Variants in MMP16 observed in about 807,000 individuals in gnomAD.
The protein encoded by MMP16 is matrix metallopeptidase 16.
A neutral mutation model predicts 67.8 loss-of-function variants in MMP16; 12 were observed. The ratio of observed to expected loss-of-function variants is 0.18; its 90% CI spans 0.11 to 0.29. The LOEUF is 0.29. Ranked by LOEUF, MMP16 falls within the 10% of genes least tolerant of loss-of-function variation. The probability of loss-of-function intolerance (pLI) is 1.00; values close to 1 mark genes in which losing one functional copy is unlikely to be tolerated. For synonymous variants in MMP16, 249 were observed against 255.9 expected (o/e 0.97, Z 0.26); for missense variants, 475 against 765.7 (o/e 0.62, Z 4.48).
intron 4 of MMP16, among the ~76,000 whole-genome samples, chr8:88,133,015 C>A (rs1340981134): frequency 2.6e-5 from 4 of 151,804 alleles, no homozygotes; most frequent in Non-Finnish European, 5.9e-5. Flanking sequence ...ACTGGTAAAG[C>A]CAGGATTCAA....
At chr8:88,224,902 A>AT (rs1223517142) in intron 1 of MMP16, among the ~76,000 whole-genome samples, 4 of 151,868 alleles carry the variant, frequency 2.6e-5, no homozygotes, top group African/African-American at 9.7e-5. Flanking sequence ...TAAATTATGT[A>AT]TTTTTTCCGG....
At chr8:88,139,983 TAAC>T (rs1808184950) in intron 4 of MMP16, among the ~76,000 whole-genome samples, 1 of 152,232 alleles carries the variant, frequency 6.6e-6, no homozygotes, top group South Asian at 2.1e-4. Flanking sequence ...TACTGCATTT[TAAC>T]AACAATAATC....
chr8:88,208,124 A>G (rs1460004156), intron 1 of MMP16, among the ~76,000 whole-genome samples: 1 of 152,198 alleles, frequency 6.6e-6, no homozygotes, highest in African/African-American at 2.4e-5. Context: ...TTTAATGTAG[A>G]TGAAAAAGTG....
At chr8:88,251,407 T>G (rs1056843519) in intron 1 of MMP16, among the ~76,000 whole-genome samples, 5 of 149,078 alleles carry the variant, frequency 3.4e-5, no homozygotes, top group East Asian at 2.0e-4. Flanking sequence ...ATTCCCTATT[T>G]AATAAATGGT....
chr8:88,098,086 T>C (rs569192634), intron 6 of MMP16, among the ~76,000 whole-genome samples: 78 of 152,074 alleles, frequency 5.1e-4, no homozygotes, highest in African/African-American at 1.8e-3. Flanking sequence ...GATAATTTCC[T>C]GGAATGACCC....
intron 7 of MMP16, among the ~76,000 whole-genome samples, chr8:88,070,778 C>G (rs1037499819): frequency 1.3e-5 from 2 of 152,080 alleles, no homozygotes; most frequent in African/African-American, 4.8e-5. Context: ...TCCTGACTCT[C>G]AGGATTCAAT....
chr8:88,080,235 A>C (rs1224248405), intron 6 of MMP16, among the ~76,000 whole-genome samples: 1 of 152,150 alleles, frequency 6.6e-6, no homozygotes, highest in African/African-American at 2.4e-5. Context: ...TTTTTTCACC[A>C]AACTGTCATA....
intron 1 of MMP16, among the ~76,000 whole-genome samples, chr8:88,204,227 G>GA (rs1373485848): frequency 1.3e-5 from 2 of 152,236 alleles, no homozygotes; most frequent in East Asian, 1.9e-4. Context: ...TTTTTAGAAT[G>GA]AACTGATAGA....
chr8:88,241,617 T>C (rs1810035548), intron 1 of MMP16, among the ~76,000 whole-genome samples: 1 of 152,130 alleles, frequency 6.6e-6, no homozygotes, highest in Non-Finnish European at 1.5e-5. Flanking sequence ...TATAACATGA[T>C]GTTTTGATAT....
intron 4 of MMP16, among the ~76,000 whole-genome samples, chr8:88,135,370 T>G (rs983492057): frequency 2.0e-5 from 3 of 151,828 alleles, no homozygotes; most frequent in Non-Finnish European, 4.4e-5. Flanking sequence ...AGGTCCCAGT[T>G]TAAGTCTATA....
intron 4 of MMP16, among the ~76,000 whole-genome samples, chr8:88,132,646 G>A (rs1487156882): frequency 6.6e-6 from 1 of 151,886 alleles, no homozygotes; most frequent in Non-Finnish European, 1.5e-5. Flanking sequence ...AAGACTGCCT[G>A]CACTGGAACC....
At chr8:88,081,907 TTA>T (rs1491580657) in intron 6 of MMP16, among the ~76,000 whole-genome samples, 38 of 152,176 alleles carry the variant, frequency 2.5e-4, no homozygotes, top group African/African-American at 8.9e-4. Flanking sequence ...GCTGTTTTTC[TTA>T]AAAAACAACC....
At chr8:88,226,478 T>A (rs541889131) in intron 1 of MMP16, among the ~76,000 whole-genome samples, 1 of 152,180 alleles carries the variant, frequency 6.6e-6, no homozygotes, top group South Asian at 2.1e-4. Flanking sequence ...TTTCAACTCA[T>A]ACCTTTTAAC....
intron 6 of MMP16, among the ~76,000 whole-genome samples, chr8:88,084,310 A>C (rs1464322047): frequency 1.3e-5 from 2 of 151,968 alleles, no homozygotes; most frequent in African/African-American, 4.8e-5. Context: ...TTGTTAGGCC[A>C]AGTTTTTGTT....
At chr8:88,229,038 G>A (rs1200667501) in intron 1 of MMP16, among the ~76,000 whole-genome samples, 1 of 151,854 alleles carries the variant, frequency 6.6e-6, no homozygotes, top group African/African-American at 2.4e-5. Context: ...GTACACACCT[G>A]TAGTACCAGC....
chr8:88,101,988 A>G (rs1809152683), intron 6 of MMP16, among the ~76,000 whole-genome samples: 1 of 151,864 alleles, frequency 6.6e-6, no homozygotes, highest in Non-Finnish European at 1.5e-5. Context: ...TCACTCATTC[A>G]TAGTGTTACA....
intron 7 of MMP16, among the ~76,000 whole-genome samples, chr8:88,060,004 C>T (rs117005744): frequency 0.045 from 6,806 of 151,124 alleles, 164 homozygotes; most frequent in African/African-American, 0.055. Context: ...AAAAGTGATA[C>T]AAGGAGCAAA....
intron 1 of MMP16, among the ~76,000 whole-genome samples, chr8:88,206,128 T>G (rs773289472): frequency 6.6e-6 from 1 of 151,936 alleles, no homozygotes; most frequent in Admixed American, 6.6e-5. Flanking sequence ...TGCCTTTTTT[T>G]AAATTGTGGT....
intron 4 of MMP16, among the ~76,000 whole-genome samples, chr8:88,162,029 C>T (rs1808635298): frequency 6.6e-6 from 1 of 152,058 alleles, no homozygotes; most frequent in Admixed American, 6.6e-5. Flanking sequence ...AATGAATATA[C>T]ATCTCCTTCC....
Sources: allele counts gnomAD v4.1 joint callset (sites outside exome capture counted in the v4.1 genomes callset), GRCh38; gene constraint gnomAD v4.1.1; transcripts MANE v1.5; gene names NCBI Gene and HGNC (gene_info 2026-07-23, HGNC 2026-07-21).